Variants in NELL1 observed in about 807,000 individuals in gnomAD.
The protein encoded by NELL1 is neural EGFL like 1.
NELL1 carries 76 observed loss-of-function variants against 107.4 expected under a neutral mutation model. That is an observed-to-expected ratio of 0.71 (90% confidence interval 0.59 to 0.86). NELL1 has a LOEUF of 0.86. NELL1 is among the 40% of genes least tolerant of loss of function. NELL1 has a pLI of 0.00. For synonymous variants in NELL1, 353 were observed against 341.2 expected (o/e 1.03, Z -0.38); for missense variants, 1,024 against 1,005.5 (o/e 1.02, Z -0.25).
intron 12 of NELL1, among the ~76,000 whole-genome samples, chr11:21,031,619 A>G (rs1852959091): frequency 6.6e-6 from 1 of 152,088 alleles, no homozygotes; most frequent in Non-Finnish European, 1.5e-5. Flanking sequence ...GCACTTTGTA[A>G]ATTTTAGAAC....
At chr11:21,095,556 A>G (rs917812838) in intron 12 of NELL1, among the ~76,000 whole-genome samples, 1 of 152,166 alleles carries the variant, frequency 6.6e-6, no homozygotes, top group South Asian at 2.1e-4. Flanking sequence ...ACAGTTCCAT[A>G]TGGCTGGGGA....
Position 21,109,627 on chromosome 11 carries a change from C to T in NELL1, c.1301-3962C>T, listed in dbSNP as rs1855058055. ...TGCTTTGGTCCAACTCAATTTCTCT[C>T]TTTAAATGTCAGTTTGTTCTTTCAT... On this transcript the variant is annotated intron_variant, in intron 12 of 19. Coordinates refer to ENST00000357134, the MANE Select transcript of NELL1 (RefSeq NM_006157.5). Among the ~76,000 whole-genome samples, 4 of 152,226 alleles carry T rather than the reference C, an allele frequency of 2.6e-5. No individual in the cohort carries two copies. The South Asian group carries it at 8.3e-4, about 32-fold the overall frequency.
chr11:21,379,092 G>A (rs1203945345), intron 15 of NELL1, among the ~76,000 whole-genome samples: 1 of 151,976 alleles, frequency 6.6e-6, no homozygotes, highest in Non-Finnish European at 1.5e-5. Context: ...GGACTGGGCT[G>A]TAAATCAAGT....
intron 13 of NELL1, among the ~76,000 whole-genome samples, chr11:21,181,614 T>G (rs1298686797): frequency 1.3e-5 from 2 of 151,946 alleles, no homozygotes; most frequent in Non-Finnish European, 2.9e-5. Context: ...TCTTGTTTGC[T>G]GTCTCTGAAC....
At chr11:20,920,727 C>A (rs1389277184) in intron 7 of NELL1, among the ~76,000 whole-genome samples, 2 of 152,036 alleles carry the variant, frequency 1.3e-5, no homozygotes, top group African/African-American at 4.8e-5. Flanking sequence ...TCGAGGGCGT[C>A]GTTTGCTTTC....
At chr11:20,869,492 A>G (rs905191792) in intron 4 of NELL1, among the ~76,000 whole-genome samples, 2 of 152,218 alleles carry the variant, frequency 1.3e-5, no homozygotes, top group Admixed American at 1.3e-4. Flanking sequence ...CAGTTCATCC[A>G]TTTGATCAAC....
At chr11:21,124,920 T>C (rs11025934) in intron 13 of NELL1, among the ~76,000 whole-genome samples, 23,296 of 152,074 alleles carry the variant, frequency 0.15, 1,849 homozygotes, top group Non-Finnish European at 0.17. Flanking sequence ...TTTCTTACTG[T>C]GTGCTCACAT....
intron 15 of NELL1, among the ~76,000 whole-genome samples, chr11:21,525,597 C>T (rs1855832300): frequency 6.6e-6 from 1 of 152,126 alleles, no homozygotes; most frequent in Non-Finnish European, 1.5e-5. Context: ...TTTGTTTCTT[C>T]TCATGCTGCT....
At chr11:21,077,636 G>A (rs1291902133) in intron 12 of NELL1, among the ~76,000 whole-genome samples, 1 of 151,816 alleles carries the variant, frequency 6.6e-6, no homozygotes, top group Non-Finnish European at 1.5e-5. Context: ...CCAGCTACTC[G>A]GGAGGCTGAA....
chr11:21,324,328 C>A (rs6483763), intron 14 of NELL1, among the ~76,000 whole-genome samples: 68,265 of 151,744 alleles, frequency 0.45, 16,005 homozygotes, highest in Non-Finnish European at 0.49. Flanking sequence ...TCTCTTTGGG[C>A]CTTTCATGGA....
intron 13 of NELL1, among the ~76,000 whole-genome samples, chr11:21,183,012 C>T (rs1180633399): frequency 6.6e-6 from 1 of 151,764 alleles, no homozygotes; most frequent in African/African-American, 2.4e-5. Flanking sequence ...CCTCTTTCAC[C>T]CATATGGGCA....
At chr11:21,090,425 C>G (rs76297152) in intron 12 of NELL1, among the ~76,000 whole-genome samples, 8,198 of 152,144 alleles carry the variant, frequency 0.054, 496 homozygotes, top group African/African-American at 0.15. Context: ...TCTAACAGAG[C>G]TATTTTGGCT....
At chr11:21,400,314 G>T (rs1336621219) in intron 15 of NELL1, among the ~76,000 whole-genome samples, 1 of 151,864 alleles carries the variant, frequency 6.6e-6, no homozygotes, top group African/African-American at 2.4e-5. Flanking sequence ...TGTCACAGAA[G>T]CATCCAATTT....
At chr11:21,259,883 A>G (rs1338168619) in intron 14 of NELL1, among the ~76,000 whole-genome samples, 2 of 151,962 alleles carry the variant, frequency 1.3e-5, no homozygotes, top group African/African-American at 2.4e-5. Flanking sequence ...TGTTCTAATC[A>G]TGTTTTAGAG....
chr11:21,267,317 A>C (rs1848654814), intron 14 of NELL1, among the ~76,000 whole-genome samples: 1 of 152,168 alleles, frequency 6.6e-6, no homozygotes, highest in Non-Finnish European at 1.5e-5. Flanking sequence ...ATGATAATTT[A>C]AAAATTACTA....
chr11:21,481,332 A>C (rs1245153682), intron 15 of NELL1, among the ~76,000 whole-genome samples: 1 of 152,184 alleles, frequency 6.6e-6, no homozygotes, highest in African/African-American at 2.4e-5. Context: ...CTCAGAAAAG[A>C]GCAGTGAAAT....
intron 14 of NELL1, among the ~76,000 whole-genome samples, chr11:21,273,951 C>T (rs1848796531): frequency 6.6e-6 from 1 of 152,100 alleles, no homozygotes; most frequent in Admixed American, 6.6e-5. Flanking sequence ...CAAAAACATG[C>T]CAAATTGTAA....
chr11:21,506,431 A>T (rs1188704943), intron 15 of NELL1, among the ~76,000 whole-genome samples: 2 of 152,176 alleles, frequency 1.3e-5, no homozygotes, highest in East Asian at 3.9e-4. Flanking sequence ...ACTTAAGAAA[A>T]TAATACAGTA....
At chr11:21,432,790 A>G (rs1019952119) in intron 15 of NELL1, among the ~76,000 whole-genome samples, 2 of 152,206 alleles carry the variant, frequency 1.3e-5, no homozygotes, top group South Asian at 2.1e-4. Context: ...TGATACATGT[A>G]TACAATGTGT....
Sources: allele counts gnomAD v4.1 joint callset (sites outside exome capture counted in the v4.1 genomes callset), GRCh38; gene constraint gnomAD v4.1.1; transcripts MANE v1.5; gene names NCBI Gene and HGNC (gene_info 2026-07-23, HGNC 2026-07-21).